CACNA1C: variants seen among roughly 807,000 people sequenced by gnomAD.
CACNA1C encodes voltage-dependent L-type calcium channel subunit alpha-1C.
In CACNA1C, 30 loss-of-function variants were observed where a neutral mutation model predicts 229.0. The observed-to-expected ratio is 0.13, with a 90% CI of 0.10 to 0.18. The LOEUF (loss-of-function observed/expected upper bound fraction) is 0.18, where lower values mean the gene tolerates loss of function less well. CACNA1C is among the 10% of genes least tolerant of loss of function. The pLI, the probability that CACNA1C is intolerant of heterozygous loss-of-function variation, is 1.00. For missense variants in CACNA1C, 1,658 were observed against 2,845.0 expected (o/e 0.58, Z 9.49); for synonymous variants, 1,114 against 1,132.5 (o/e 0.98, Z 0.33).
At chr12:2,038,343 T>G (rs2049500618) in intron 1 of CACNA1C, among the ~76,000 whole-genome samples, 2 of 152,208 alleles carry the variant, frequency 1.3e-5, no homozygotes, top group Admixed American at 1.3e-4. Context: ...ATAGGGTGAC[T>G]TTTATAATCA....
chr12:2,067,449 C>CGTGTGTGTGT lies in CACNA1C; in HGVS notation c.49+13862_49+13871dup, dbSNP rs1555107490. Among the ~76,000 whole-genome samples, 1,003 of 141,446 alleles carry CGTGTGTGTGT rather than the reference C, an allele frequency of 7.1e-3. 12 individuals are homozygous for CGTGTGTGTGT. Among genetic ancestry groups the CGTGTGTGTGT allele is most frequent in the African/African-American group, 0.017 (640 of 37,750 alleles). 92.8% of individuals were successfully genotyped at this position (141,446 alleles called of 152,430 possible). ...GCTTAGGACTGTGGACTAGGATGCA[C>CGTGTGTGTGT]GTGTGTGTGTGTGTGTGTGTGTGTG... On this transcript the variant is annotated intron_variant, in intron 1 of 46. Coordinates refer to ENST00000399655, the MANE Select transcript of CACNA1C (RefSeq NM_000719.7). This position sits in a 1 kb window ranked among gnomAD's most constrained non-coding sequence, Gnocchi z 5.3.
At chr12:2,325,464 G>T (rs1187192336) in intron 3 of CACNA1C, among the ~76,000 whole-genome samples, 1 of 152,210 alleles carries the variant, frequency 6.6e-6, no homozygotes, top group African/African-American at 2.4e-5. Flanking sequence ...TGGGTACATG[G>T]TATATGGTTT....
chr12:2,059,591 G>A (rs971303486), intron 1 of CACNA1C, among the ~76,000 whole-genome samples: 5 of 152,042 alleles, frequency 3.3e-5, no homozygotes, highest in Admixed American at 2.6e-4. Context: ...GGCTTCTTGT[G>A]CTATACCCTG....
intron 11 of CACNA1C, among the ~76,000 whole-genome samples, chr12:2,558,271 T>C (rs1374314853): frequency 2.6e-5 from 4 of 152,226 alleles, no homozygotes; most frequent in Admixed American, 1.3e-4. Flanking sequence ...TCATCTCTGC[T>C]GCATGGGGCT....
At chr12:2,561,665 A>G (rs1425840653) in intron 11 of CACNA1C, among the ~76,000 whole-genome samples, 1 of 152,206 alleles carries the variant, frequency 6.6e-6, no homozygotes, top group East Asian at 1.9e-4. Context: ...TGGACAGGCA[A>G]GAGGAAGGCC....
At chr12:2,416,185 A>G (rs1046184068) in intron 3 of CACNA1C, among the ~76,000 whole-genome samples, 3 of 151,260 alleles carry the variant, frequency 2.0e-5, no homozygotes, top group Non-Finnish European at 4.4e-5. Flanking sequence ...TTATTTGTTC[A>G]CTCATTTACC....
In CACNA1C at chr12:2,666,822, A is replaced by C. The variant is rs2096145028; in HGVS notation, c.4623+40A>C. The C allele has an allele frequency of 8.0e-7, 1 of 1,242,448 alleles. No homozygotes were observed. Among genetic ancestry groups the C allele is most frequent in the Non-Finnish European group, 1.2e-6 (1 of 863,086 alleles). 77.0% of individuals were successfully genotyped at this position (1,242,448 alleles called of 1,614,324 possible). ...GGTTCATGGGAGGGAGAGGGAAAAT[A>C]GGGGAAGTGAAGTGCCCATTTCTTG... On this transcript the variant is annotated intron_variant, in intron 37 of 46. Coordinates refer to ENST00000399655, the MANE Select transcript of CACNA1C (RefSeq NM_000719.7). This position sits in a 1 kb window ranked among gnomAD's most constrained non-coding sequence, Gnocchi z 5.3.
chr12:2,350,826 C>G (rs1407763248), intron 3 of CACNA1C, among the ~76,000 whole-genome samples: 1 of 152,234 alleles, frequency 6.6e-6, no homozygotes, highest in East Asian at 1.9e-4. Flanking sequence ...GTTGGAAGGA[C>G]CCTGGAGGTC....
At chr12:2,005,677 G>A (rs1197257393) in intron 1 of CACNA1C, among the ~76,000 whole-genome samples, 2 of 152,128 alleles carry the variant, frequency 1.3e-5, no homozygotes, top group African/African-American at 4.8e-5. Flanking sequence ...TTGTATAATG[G>A]AAAGTGTCAA....
rs372059405 is a variant in CACNA1C at position 2,168,935 on chromosome 12, G to A, written c.477+48505G>A. Among the ~76,000 whole-genome samples, 5 of 152,258 alleles carry A rather than the reference G, an allele frequency of 3.3e-5. No homozygotes were observed. The East Asian group carries it at 9.7e-4, about 29-fold the overall frequency. ...CCTCAGGATGCCCTACCCTTTCTAAGGCTTCCTGGAGAGCAAAGAGTTCCT... is the reference window on the plus strand; with the variant it reads ...CCTCAGGATGCCCTACCCTTTCTAAAGCTTCCTGGAGAGCAAAGAGTTCCT... On this transcript the variant is annotated intron_variant, in intron 3 of 46. Coordinates refer to ENST00000399655, the MANE Select transcript of CACNA1C (RefSeq NM_000719.7).
intron 5 of CACNA1C, among the ~76,000 whole-genome samples, chr12:2,463,969 A>C (rs1467447388): frequency 6.6e-6 from 1 of 152,200 alleles, no homozygotes; most frequent in Non-Finnish European, 1.5e-5. Context: ...AGTTGTGGTT[A>C]AATATTTGCA....
chr12:2,294,878 G>A (rs537040663), intron 3 of CACNA1C, among the ~76,000 whole-genome samples: 4 of 152,236 alleles, frequency 2.6e-5, no homozygotes, highest in African/African-American at 9.6e-5. Flanking sequence ...GTGTGCACAT[G>A]GTGCTCAGTG....
At chr12:2,272,403 G>C (rs79411638) in intron 3 of CACNA1C, among the ~76,000 whole-genome samples, 6,740 of 152,162 alleles carry the variant, frequency 0.044, 182 homozygotes, top group Middle Eastern at 0.065. Context: ...GCCTCCTCCT[G>C]CTTCCCCGGC....
chr12:2,550,369 A>G (rs1044321754), intron 10 of CACNA1C, among the ~76,000 whole-genome samples: 10 of 152,004 alleles, frequency 6.6e-5, no homozygotes, highest in African/African-American at 2.4e-4. Context: ...TGTTTCTTTC[A>G]CTCCAGTCCC....
chr12:2,353,547 G>C (rs1241230051), intron 3 of CACNA1C, among the ~76,000 whole-genome samples: 1 of 152,224 alleles, frequency 6.6e-6, no homozygotes, highest in Non-Finnish European at 1.5e-5. Context: ...GACGTGGAGG[G>C]TCTGCTTCCA....
intron 3 of CACNA1C, among the ~76,000 whole-genome samples, chr12:2,434,718 T>C (rs570874225): frequency 6.6e-6 from 1 of 152,320 alleles, no homozygotes; most frequent in East Asian, 1.9e-4. Context: ...TCTGTGAGCC[T>C]TTCATTCTTC....
chr12:2,332,670 G>A (rs1567098767), intron 3 of CACNA1C, among the ~76,000 whole-genome samples: 1 of 152,200 alleles, frequency 6.6e-6, no homozygotes, highest in Admixed American at 6.5e-5. Context: ...TGGGGGCCTG[G>A]TGTAGCCCTA....
chr12:2,199,995 T>C (rs1478772324), intron 3 of CACNA1C, among the ~76,000 whole-genome samples: 1 of 152,230 alleles, frequency 6.6e-6, no homozygotes. Flanking sequence ...AATTACTATC[T>C]GAAATGATCT....
intron 29 of CACNA1C, among the ~76,000 whole-genome samples, chr12:2,620,104 C>T (rs2082500352): frequency 6.6e-6 from 1 of 152,216 alleles, no homozygotes. Flanking sequence ...GGATATTTTA[C>T]TTGCCTTATC....
Sources: gnomAD v4.1 joint callset for allele counts (sites outside exome capture counted in the v4.1 genomes callset) on GRCh38, gnomAD v4.1.1 for gene constraint, Gnocchi (gnomAD v3.1) non-coding constraint, MANE v1.5 for transcripts, NCBI Gene and HGNC (gene_info 2026-07-23, HGNC 2026-07-21) for gene names.